Variants in HABP2 observed in about 807,000 individuals in gnomAD.
HABP2 encodes factor VII-activating protease.
Under a neutral mutation model 66.5 loss-of-function variants are expected in HABP2, and 65 were observed. The observed-to-expected ratio is 0.98, with a 90% confidence interval of 0.80 to 1.20. HABP2 has a LOEUF of 1.20. Ranked by LOEUF, HABP2 falls within the 50% of genes most tolerant of loss-of-function variation. The pLI, the probability that HABP2 is intolerant of heterozygous loss-of-function variation, is 0.00. For missense variants in HABP2, 786 were observed against 691.0 expected, an observed-to-expected ratio of 1.14 and a Z score of -1.54; for synonymous variants, 263 against 253.9, an observed-to-expected ratio of 1.04 and a Z score of -0.34.
intron 8 of HABP2, 23 bp from the exon 9 acceptor site, chr10:113,581,853 T>C (rs775876484): frequency 6.2e-7 from 1 of 1,613,230 alleles, no homozygotes; most frequent in Non-Finnish European, 8.5e-7. Flanking sequence ...AATAGCACAA[T>C]TTATCTTTCT....
rs11575752 is a variant in HABP2 at position 113,576,809 on chromosome 10, C to A, written c.332-341C>A. ...CACAGTGTCTGGGCTCACTCCTCAACTTCTCAGAAAAGTGACAAAACTGTA... is the reference window on the plus strand; with the variant it reads ...CACAGTGTCTGGGCTCACTCCTCAAATTCTCAGAAAAGTGACAAAACTGTA... On this transcript the variant is annotated intron_variant, in intron 4 of 12. Coordinates refer to ENST00000351270, the MANE Select transcript of HABP2 (RefSeq NM_004132.5). Among the ~76,000 whole-genome samples, 871 of 152,306 alleles carry A rather than the reference C, an allele frequency of 5.7e-3. 16 individuals are homozygous for A. Among genetic ancestry groups the A allele is most frequent in the African/African-American group, 0.02 (833 of 41,550 alleles).
At chr10:113,568,136 C>T (rs1320574412) in intron 2 of HABP2, among the ~76,000 whole-genome samples, 3 of 152,254 alleles carry the variant, frequency 2.0e-5, no homozygotes, top group Non-Finnish European at 4.4e-5. Context: ...CTTGTGCCCA[C>T]AGCGTGCGCA....
At chr10:113,584,908 T>C (rs1188818923) in intron 11 of HABP2, among the ~76,000 whole-genome samples, 1 of 152,198 alleles carries the variant, frequency 6.6e-6, no homozygotes, top group Non-Finnish European at 1.5e-5. Context: ...AAGGATTACT[T>C]TCCTCATAGT....
chr10:113,560,813 T>C (rs2133746340), intron 1 of HABP2, among the ~76,000 whole-genome samples: 1 of 152,292 alleles, frequency 6.6e-6, no homozygotes, highest in African/African-American at 2.4e-5. Flanking sequence ...ATACTTAGAA[T>C]TGCCAAATGC....
intron 1 of HABP2, among the ~76,000 whole-genome samples, chr10:113,553,628 T>C (rs1844938595): frequency 6.6e-6 from 1 of 152,206 alleles, no homozygotes; most frequent in African/African-American, 2.4e-5. Flanking sequence ...TGCTATGGCC[T>C]TAGAGGGGAA....
At position 113,589,075 on chromosome 10, in the gene HABP2, C is replaced by A. The variant is rs1249810771; in HGVS notation, c.*706C>A. On this transcript the variant is annotated 3_prime_UTR_variant, in exon 13 of 13. Transcript: ENST00000351270. The stretch of plus-strand genomic sequence containing the variant: ...ATCTCCAGCCTCCACTGCTTCTGCC[C>A]CCCGCTGCTGAAATCAAACATACCC... 1.9e-6 allele frequency: 3 copies of A among 1,613,594 alleles called. No homozygotes were observed. The highest frequency in any genetic ancestry group is 8.5e-7 in the Non-Finnish European group (1 of 1,179,752).
chr10:113,587,249 G>A lies in HABP2; in HGVS notation c.1519-956G>A, dbSNP rs1054152812. Among the ~76,000 whole-genome samples the A allele has an allele frequency of 7.9e-5, 12 of 152,156 alleles. No homozygotes were observed. In the South Asian group the frequency reaches 8.3e-4, roughly 11 times the overall value. ...GGAGAATCGCTTGGACGTGGGAAAC[G>A]GAGGTTGCAGTGAGCCAAGAGGGTG... On this transcript the variant is annotated intron_variant, in intron 12 of 12. Transcript: ENST00000351270.
At chr10:113,552,010 G>A (rs1592677724), upstream of HABP2, among the ~76,000 whole-genome samples, 1 of 152,100 alleles carries the variant, frequency 6.6e-6, no homozygotes, top group East Asian at 1.9e-4. Context: ...ACCAGGACTT[G>A]GCTAGTCCTT....
chr10:113,573,639 C>T (rs1319112984), intron 2 of HABP2, among the ~76,000 whole-genome samples: 1 of 152,214 alleles, frequency 6.6e-6, no homozygotes, highest in Non-Finnish European at 1.5e-5. Context: ...GTGAACAATA[C>T]ACCTCCTAGA....
chr10:113,555,242 G>A (rs548126695), intron 1 of HABP2, among the ~76,000 whole-genome samples: 1 of 152,362 alleles, frequency 6.6e-6, no homozygotes, highest in South Asian at 2.1e-4. Flanking sequence ...AAACGAAGCT[G>A]GAAAACTGGG....
At position 113,588,455 on chromosome 10, in the gene HABP2, G is replaced by T. The variant is rs1845713588; in HGVS notation, c.*86G>T. The stretch of plus-strand genomic sequence containing the variant: ...ATGGCCAACAATGGACACCTCCAGA[G>T]CCTCCAGGGGACCACACAGTAGACT... On this transcript the variant is annotated 3_prime_UTR_variant, in exon 13 of 13. Coordinates refer to ENST00000351270, the MANE Select transcript of HABP2 (RefSeq NM_004132.5). The T allele has an allele frequency of 2.0e-6, 2 of 988,456 alleles. No homozygotes were observed. The highest frequency in any genetic ancestry group is 5.0e-5 in the East Asian group (2 of 40,218). 61.2% of individuals were successfully genotyped at this position (988,456 alleles called of 1,614,324 possible). A position where few individuals can be genotyped will look rare whatever the true frequency, so the allele number is the denominator to read the frequency against.
At chr10:113,556,172 G>A (rs1009997553) in intron 1 of HABP2, among the ~76,000 whole-genome samples, 1 of 152,240 alleles carries the variant, frequency 6.6e-6, no homozygotes, top group Non-Finnish European at 1.5e-5. Context: ...TAGGTCAGAA[G>A]TTGCAAATTG....
At chr10:113,555,510 A>G (rs1358363620) in intron 1 of HABP2, among the ~76,000 whole-genome samples, 3 of 152,200 alleles carry the variant, frequency 2.0e-5, no homozygotes. Context: ...GTCACTATTC[A>G]TTGGAAAGAC....
intron 6 of HABP2, 115 bp from the exon 7 acceptor site, chr10:113,578,512 G>A: frequency 1.4e-6 from 1 of 719,184 alleles, no homozygotes; most frequent in Non-Finnish European, 2.4e-6. Flanking sequence ...TGAAATCTCA[G>A]GGCGATAAAT....
At chr10:113,573,179 G>C (rs1845345158) in intron 2 of HABP2, among the ~76,000 whole-genome samples, 1 of 152,182 alleles carries the variant, frequency 6.6e-6, no homozygotes, top group African/African-American at 2.4e-5. Flanking sequence ...AGAGAGCAAA[G>C]TCAACCTGAC....
intron 1 of HABP2, among the ~76,000 whole-genome samples, chr10:113,563,772 A>C (rs1288132606): frequency 6.6e-6 from 1 of 152,174 alleles, no homozygotes; most frequent in Admixed American, 6.5e-5. Context: ...GATGTCCCTC[A>C]AAGTCTTCTG....
intron 1 of HABP2, among the ~76,000 whole-genome samples, chr10:113,566,758 A>C (rs1592687329): frequency 6.6e-6 from 1 of 152,212 alleles, no homozygotes; most frequent in East Asian, 1.9e-4. Flanking sequence ...GACCTAGCGA[A>C]GGTCATAGAG....
rs1389481400 is a variant in HABP2, at chr10:113,585,900, G to T, written c.1480G>T (p.Ala494Ser). ...CATGATTGATGACAGTATGATCTGT[G>T]CAGGAAATCTTCAGAAACCTGGGCA... ...DHMIDDSMIC[A>S]GNLQKPGQDT... Residue 494 changes from alanine (A) to serine (S), a missense_variant, in exon 12 of 13, where the codon GCA becomes TCA. By Grantham distance (99) the Ala-to-Ser change is moderately conservative (BLOSUM62 1). Transcript: ENST00000351270. The T allele has an allele frequency of 1.2e-6, 2 of 1,613,996 alleles. No individual in the cohort carries two copies. The highest frequency in any genetic ancestry group is 4.5e-5 in the East Asian group (2 of 44,890).
chr10:113,564,671 A>T lies in HABP2; in HGVS notation c.70-2818A>T, dbSNP rs544715150. ...TTTGTAATTTTTTAAACCTACAGAAAAGTGGGAAGAATAATGCAATGAATA... is the reference window on the plus strand; with the variant it reads ...TTTGTAATTTTTTAAACCTACAGAATAGTGGGAAGAATAATGCAATGAATA... On this transcript the variant is annotated intron_variant, in intron 1 of 12. Transcript: ENST00000351270. Among the ~76,000 whole-genome samples the T allele has an allele frequency of 5.9e-5, 9 of 152,328 alleles. No individual in the cohort carries two copies. The South Asian group carries it at 1.9e-3, about 32-fold the overall frequency.
Sources: allele counts gnomAD v4.1 joint callset (sites outside exome capture counted in the v4.1 genomes callset), GRCh38; gene constraint gnomAD v4.1.1; transcripts MANE v1.5; gene names NCBI Gene and HGNC (gene_info 2026-07-23, HGNC 2026-07-21).